TPO: variants seen among roughly 807,000 people sequenced by gnomAD.
The protein encoded by TPO is thyroid microsomal antigen.
A neutral mutation model predicts 96.9 loss-of-function variants in TPO; 78 were observed. The observed-to-expected ratio is 0.81, with a 90% confidence interval of 0.67 to 0.97. The LOEUF (loss-of-function observed/expected upper bound fraction) is 0.97, where lower values mean the gene tolerates loss of function less well. Ranked by LOEUF, TPO falls within the 50% of genes least tolerant of loss-of-function variation. The pLI, the probability that TPO is intolerant of heterozygous loss-of-function variation, is 0.00. For synonymous variants in TPO, 547 were observed against 538.0 expected, an observed-to-expected ratio of 1.02 and a Z score of -0.23; for missense variants, 1,252 against 1,274.8, an observed-to-expected ratio of 0.98 and a Z score of 0.27.
intron 1 of TPO, among the ~76,000 whole-genome samples, chr2:1,383,761 C>T (rs1389350503): frequency 6.6e-6 from 1 of 152,110 alleles, no homozygotes; most frequent in African/African-American, 2.4e-5. Context: ...CTTTTGTTGC[C>T]ATTGTTTTTG....
intron 7 of TPO, 42 bp from the exon 8 acceptor site, chr2:1,477,044 C>T: frequency 1.9e-6 from 3 of 1,584,850 alleles, no homozygotes; most frequent in Non-Finnish European, 8.5e-7. Context: ...ACAAAGGGTG[C>T]ACGGGGGCCC....
At chr2:1,392,477 T>G (rs1016063703) in intron 1 of TPO, among the ~76,000 whole-genome samples, 8 of 152,200 alleles carry the variant, frequency 5.3e-5, no homozygotes, top group African/African-American at 1.9e-4. Flanking sequence ...TTTTTTGTTG[T>G]GTCTCTGCCA....
chr2:1,514,440 C>T (rs1674474555), intron 14 of TPO, among the ~76,000 whole-genome samples: 1 of 152,250 alleles, frequency 6.6e-6, no homozygotes, highest in African/African-American at 2.4e-5. Flanking sequence ...TCCAAAATCC[C>T]AGTGCCCTCT....
At chr2:1,382,823 A>T (rs953079644) in intron 1 of TPO, among the ~76,000 whole-genome samples, 16 of 151,794 alleles carry the variant, frequency 1.1e-4, no homozygotes, top group Non-Finnish European at 2.9e-5. Context: ...GGTGTGCTGC[A>T]TCCATTACTC....
At position 1,542,997 on chromosome 2, in the gene TPO, A is replaced by C; in HGVS notation, c.*523A>C. The C allele has an allele frequency of 4.6e-6, 1 of 215,212 alleles. No homozygotes were observed. The highest frequency in any genetic ancestry group is 9.4e-6 in the Non-Finnish European group (1 of 106,090). 13.3% of individuals were successfully genotyped at this position (215,212 alleles called of 1,614,324 possible). A position where few individuals can be genotyped will look rare whatever the true frequency, so the allele number is the denominator to read the frequency against. ...AGAGGCTGGAGCCTTAAGGACCAAC[A>C]AGGCAAAGTGACTTGTCTCATCCTC... On this transcript the variant is annotated 3_prime_UTR_variant, in exon 17 of 17. Coordinates refer to ENST00000329066, the MANE Select transcript of TPO (RefSeq NM_001206744.2).
intron 14 of TPO, among the ~76,000 whole-genome samples, chr2:1,515,030 C>T (rs952179795): frequency 6.6e-6 from 1 of 152,016 alleles, no homozygotes; most frequent in East Asian, 1.9e-4. Flanking sequence ...GCCCCTCCAG[C>T]CCAAGTTTCT....
chr2:1,431,078 G>A (rs1251889979), intron 3 of TPO, among the ~76,000 whole-genome samples: 1 of 151,012 alleles, frequency 6.6e-6, no homozygotes, highest in East Asian at 1.9e-4. Context: ...AGGTGTAGAT[G>A]CTTTTCCCCC....
intron 15 of TPO, among the ~76,000 whole-genome samples, chr2:1,533,201 CCA>C (rs1678746479): frequency 1.5e-3 from 4 of 2,608 alleles, no homozygotes; most frequent in Non-Finnish European, 7.7e-4. Context: ...TGCAATCTCC[CCA>C]TATCCCCCCA....
chr2:1,403,275 G>A (rs898732650), intron 1 of TPO, among the ~76,000 whole-genome samples: 3 of 152,192 alleles, frequency 2.0e-5, no homozygotes, highest in African/African-American at 7.2e-5. Flanking sequence ...CGGGGGCTCT[G>A]CTGGACACAG....
intron 16 of TPO, 126 bp from the exon 17 acceptor site, chr2:1,542,295 C>A: frequency 7.8e-7 from 1 of 1,282,568 alleles, no homozygotes; most frequent in South Asian, 1.3e-5. Context: ...AAGGATGGCT[C>A]ATCTCGCCAG....
chr2:1,388,778 G>A (rs1661948264), intron 1 of TPO, among the ~76,000 whole-genome samples: 1 of 152,180 alleles, frequency 6.6e-6, no homozygotes, highest in Non-Finnish European at 1.5e-5. Flanking sequence ...TGGAAATGCA[G>A]AAATCACCCA....
At chr2:1,382,731 T>C (rs1352781219) in intron 1 of TPO, among the ~76,000 whole-genome samples, 4 of 152,072 alleles carry the variant, frequency 2.6e-5, no homozygotes, top group African/African-American at 9.7e-5. Context: ...TTTTAATATA[T>C]ATATTTTTTA....
chr2:1,523,714 G>C (rs1209127837), intron 15 of TPO, among the ~76,000 whole-genome samples: 1 of 67,590 alleles, frequency 1.5e-5, no homozygotes, highest in Non-Finnish European at 2.7e-5. Flanking sequence ...CCCACTGTGT[G>C]CAACCTCCTC....
intron 14 of TPO, among the ~76,000 whole-genome samples, chr2:1,516,344 G>A (rs545670302): frequency 2.7e-4 from 41 of 152,250 alleles, no homozygotes; most frequent in South Asian, 6.2e-4. Flanking sequence ...CCGTGCCCCC[G>A]TCCCCCCAGG....
intron 3 of TPO, among the ~76,000 whole-genome samples, chr2:1,431,602 C>T (rs1664983805): frequency 6.6e-6 from 1 of 152,318 alleles, no homozygotes; most frequent in Admixed American, 6.5e-5. Context: ...ACATACCCAT[C>T]ACCTTCCGTA....
chr2:1,395,883 TA>T (rs771686978), intron 1 of TPO, among the ~76,000 whole-genome samples: 3 of 152,344 alleles, frequency 2.0e-5, no homozygotes, highest in East Asian at 3.9e-4. Flanking sequence ...TGCCTCTCCT[TA>T]GCCTTCTGCC....
chr2:1,433,339 A>G (rs1665221039), intron 3 of TPO, 99 bp from the exon 4 acceptor site: 1 of 1,464,200 alleles, frequency 6.8e-7, no homozygotes, highest in East Asian at 2.4e-5. Context: ...TCTGGGACAC[A>G]GTAGTTACTC....
rs77027893 is a variant in TPO at position 1,399,368 on chromosome 2, T to C, written n.180+24966T>C. Among the ~76,000 whole-genome samples the C allele has an allele frequency of 7.0e-3, 1,060 of 152,308 alleles. 10 individuals are homozygous for C. The highest frequency in any genetic ancestry group is 0.023 in the African/African-American group (969 of 41,574). On this transcript the variant is annotated intron_variant and non_coding_transcript_variant, in intron 1 of 5. Coordinates refer to the TPO transcript ENST00000497517. ...AGCCCCCTTATCCAAAGGAGAATCT[T>C]TCCAAGACCCCAGTGGACACCTGAA...
At chr2:1,464,380 G>A (rs1377478605) in intron 7 of TPO, among the ~76,000 whole-genome samples, 10 of 152,260 alleles carry the variant, frequency 6.6e-5, no homozygotes, top group African/African-American at 2.2e-4. Context: ...TGCATTTTTC[G>A]TATAATGACT....
Sources: gnomAD v4.1 joint callset for allele counts (sites outside exome capture counted in the v4.1 genomes callset) on GRCh38, gnomAD v4.1.1 for gene constraint, MANE v1.5 for transcripts, NCBI Gene and HGNC (gene_info 2026-07-23, HGNC 2026-07-21) for gene names.